Variants in XPR1 observed in about 807,000 individuals in gnomAD.
The protein encoded by XPR1 is xenotropic and polytropic retrovirus receptor 1.
A neutral mutation model predicts 87.5 loss-of-function variants in XPR1; 28 were observed. The observed-to-expected ratio is 0.32, with a 90% CI of 0.24 to 0.44. The LOEUF (loss-of-function observed/expected upper bound fraction) is 0.44. Ranked by LOEUF, XPR1 falls within the 20% of genes least tolerant of loss-of-function variation. The pLI is 1.00. For missense variants in XPR1, 559 were observed against 862.3 expected (o/e 0.65, Z 4.41); for synonymous variants, 300 against 306.1 (o/e 0.98, Z 0.21).
At chr1:180,687,897 A>C (rs1656840131) in intron 2 of XPR1, among the ~76,000 whole-genome samples, 1 of 151,712 alleles carries the variant, frequency 6.6e-6, no homozygotes, top group South Asian at 2.1e-4. Flanking sequence ...TCTTCTATGT[A>C]ATCACTGGTA....
intron 3 of XPR1, among the ~76,000 whole-genome samples, chr1:180,794,195 C>T (rs1465314003): frequency 6.6e-6 from 1 of 152,118 alleles, no homozygotes; most frequent in Non-Finnish European, 1.5e-5. Flanking sequence ...TATAGTATAG[C>T]CTGTTGCTCC....
chr1:180,839,181 A>G (rs1039334331), intron 11 of XPR1, among the ~76,000 whole-genome samples: 6 of 152,202 alleles, frequency 3.9e-5, no homozygotes, highest in Non-Finnish European at 7.4e-5. Flanking sequence ...TGTTCAAAAA[A>G]TTGTATAGTG....
intron 2 of XPR1, among the ~76,000 whole-genome samples, chr1:180,689,842 T>A (rs1363124882): frequency 1.3e-5 from 2 of 152,182 alleles, no homozygotes; most frequent in Non-Finnish European, 2.9e-5. Context: ...TTTCTGTAAA[T>A]CTAAAACTAT....
At chr1:180,663,807 A>G (rs1655859813) in intron 1 of XPR1, among the ~76,000 whole-genome samples, 1 of 152,146 alleles carries the variant, frequency 6.6e-6, no homozygotes, top group South Asian at 2.1e-4. Context: ...AACCTTAGAA[A>G]TCTACCTGGT....
intron 11 of XPR1, among the ~76,000 whole-genome samples, chr1:180,859,213 C>T (rs148407961): frequency 6.6e-6 from 1 of 152,234 alleles, no homozygotes; most frequent in East Asian, 1.9e-4. Context: ...CCCACATTGT[C>T]CCTTTAGTAT....
chr1:180,657,393 G>C (rs1655569617), intron 1 of XPR1, among the ~76,000 whole-genome samples: 2 of 152,074 alleles, frequency 1.3e-5, no homozygotes, highest in African/African-American at 4.8e-5. Context: ...ACTTTCCTCA[G>C]TGTTTTCTTT....
At chr1:180,716,713 G>A in intron 2 of XPR1, among the ~76,000 whole-genome samples, 1 of 152,152 alleles carries the variant, frequency 6.6e-6, no homozygotes, top group East Asian at 1.9e-4. Flanking sequence ...CAGAAAGTAA[G>A]TTCACCTCTC....
Position 180,884,270 on chromosome 1 carries a change from A to G in XPR1, c.*204A>G, listed in dbSNP as rs1248727871. ...TCTTCTGGTTTAATTTTAATTTTCTATTTTCAAAACAAATATTTACTTCAT... is the reference window on the plus strand; with the variant it reads ...TCTTCTGGTTTAATTTTAATTTTCTGTTTTCAAAACAAATATTTACTTCAT... On this transcript the variant is annotated 3_prime_UTR_variant, in exon 15 of 15. Coordinates refer to ENST00000367590, the MANE Select transcript of XPR1 (RefSeq NM_004736.4). The G allele has an allele frequency of 1.9e-5, 9 of 469,464 alleles. No individual in the cohort carries two copies. Among genetic ancestry groups the G allele is most frequent in the Middle Eastern group, 2.9e-4 (1 of 3,390 alleles). 29.1% of individuals were successfully genotyped at this position (469,464 alleles called of 1,614,324 possible). A position where few individuals can be genotyped will look rare whatever the true frequency, so the allele number is the denominator to read the frequency against.
At chr1:180,790,694 C>A (rs1049818500) in intron 3 of XPR1, among the ~76,000 whole-genome samples, 1 of 152,022 alleles carries the variant, frequency 6.6e-6, no homozygotes, top group Non-Finnish European at 1.5e-5. Context: ...CACCCACCAC[C>A]ATGCCCAGCT....
intron 1 of XPR1, among the ~76,000 whole-genome samples, chr1:180,634,328 T>C (rs1214264664): frequency 6.6e-6 from 1 of 152,224 alleles, no homozygotes; most frequent in Non-Finnish European, 1.5e-5. Flanking sequence ...CTAGATAAAC[T>C]CATTGTTTGG....
chr1:180,882,008 A>G (rs1212110182), intron 14 of XPR1, among the ~76,000 whole-genome samples: 1 of 152,236 alleles, frequency 6.6e-6, no homozygotes, highest in Non-Finnish European at 1.5e-5. Flanking sequence ...GGTCAGTGAG[A>G]TAAGTGCCAC....
At chr1:180,843,868 A>G (rs1651595120) in intron 11 of XPR1, among the ~76,000 whole-genome samples, 1 of 152,230 alleles carries the variant, frequency 6.6e-6, no homozygotes, top group Non-Finnish European at 1.5e-5. Flanking sequence ...AAGTTTAAAA[A>G]GTCTCTACTA....
At chr1:180,750,589 C>CT (rs1441623240) in intron 2 of XPR1, among the ~76,000 whole-genome samples, 4 of 151,360 alleles carry the variant, frequency 2.6e-5, no homozygotes, top group African/African-American at 4.9e-5. Flanking sequence ...TCTTGGCTCT[C>CT]TATCTTATTC....
Position 180,763,000 on chromosome 1 carries a change from T to C in XPR1, c.122-24753T>C, listed in dbSNP as rs146058004. The stretch of plus-strand genomic sequence containing the variant: ...TTCACAAACATTTTACACGAATGAC[T>C]TGCGTTCACTGGGAAGCTGGACTGT... On this transcript the variant is annotated intron_variant, in intron 2 of 14. Transcript: ENST00000367590. Among the ~76,000 whole-genome samples the C allele has an allele frequency of 3.3e-5, 5 of 152,338 alleles. No homozygotes were observed. In the East Asian group the frequency reaches 9.6e-4, roughly 29 times the overall value.
At chr1:180,824,496 G>T (rs1376751899) in intron 7 of XPR1, among the ~76,000 whole-genome samples, 2 of 152,022 alleles carry the variant, frequency 1.3e-5, no homozygotes, top group Admixed American at 1.3e-4. Context: ...CAGGAGAATC[G>T]CTTGAACCAG....
chr1:180,781,780 T>C (rs1214170084), intron 2 of XPR1, among the ~76,000 whole-genome samples: 1 of 151,988 alleles, frequency 6.6e-6, no homozygotes, highest in Non-Finnish European at 1.5e-5. Flanking sequence ...TAACTCGTCA[T>C]TTAGCATTAG....
At chr1:180,632,341 G>T in intron 1 of XPR1, 71 bp downstream of exon 1, 1 of 1,540,616 alleles carries the variant, frequency 6.5e-7, no homozygotes, top group Non-Finnish European at 8.8e-7. Context: ...GTCCACCGCC[G>T]CCTTCCGCTT....
chr1:180,774,642 C>T (rs1047077255), intron 2 of XPR1, among the ~76,000 whole-genome samples: 2 of 151,872 alleles, frequency 1.3e-5, no homozygotes, highest in Non-Finnish European at 2.9e-5. Context: ...CTCCTGACCT[C>T]GTGATCTGCC....
chr1:180,753,743 G>T (rs1426298479), intron 2 of XPR1, among the ~76,000 whole-genome samples: 2 of 151,946 alleles, frequency 1.3e-5, no homozygotes, highest in Non-Finnish European at 2.9e-5. Context: ...TTGTATTTTG[G>T]CTGAGAGAAG....
Sources: gnomAD v4.1 joint callset for allele counts (sites outside exome capture counted in the v4.1 genomes callset) on GRCh38, gnomAD v4.1.1 for gene constraint, MANE v1.5 for transcripts, NCBI Gene and HGNC (gene_info 2026-07-23, HGNC 2026-07-21) for gene names.